SLC22A23: variants seen among roughly 807,000 people sequenced by gnomAD.
The protein encoded by SLC22A23 is ion transporter protein.
A neutral mutation model predicts 61.0 loss-of-function variants in SLC22A23; 26 were observed. The observed-to-expected ratio is 0.43, with a 90% CI of 0.31 to 0.59. The LOEUF (loss-of-function observed/expected upper bound fraction) is 0.59, where lower values mean the gene tolerates loss of function less well. Among genes scored for constraint, SLC22A23 ranks in the 20% least tolerant of loss-of-function variants. The pLI is 0.11. For synonymous variants in SLC22A23, 430 were observed against 413.9 expected (o/e 1.04, Z -0.47); for missense variants, 796 against 934.7 (o/e 0.85, Z 1.94).
chr6:3,284,012 A>G, intron 8 of SLC22A23, 37 bp from the exon 9 acceptor site: 1 of 1,577,554 alleles, frequency 6.3e-7, no homozygotes, highest in Non-Finnish European at 8.6e-7. Flanking sequence ...GAGGGAAGAG[A>G]GGAAGCCAGG....
chr6:3,275,575 T>C (rs1461035886), intron 9 of SLC22A23, among the ~76,000 whole-genome samples: 1 of 152,188 alleles, frequency 6.6e-6, no homozygotes, highest in Non-Finnish European at 1.5e-5. Context: ...GATAAAGGAC[T>C]TGTAACTAGA....
At chr6:3,443,231 T>C (rs1771709510) in intron 1 of SLC22A23, among the ~76,000 whole-genome samples, 1 of 152,240 alleles carries the variant, frequency 6.6e-6, no homozygotes, top group Non-Finnish European at 1.5e-5. Context: ...CAACACACTT[T>C]GTCAACAAGG....
At chr6:3,290,449 G>C (rs544799328) in intron 5 of SLC22A23, 15 of 175,346 alleles carry the variant, frequency 8.6e-5, no homozygotes, top group Non-Finnish European at 1.8e-4. Flanking sequence ...ACACATCTGC[G>C]TGTATGTGTA....
intron 1 of SLC22A23, among the ~76,000 whole-genome samples, chr6:3,421,374 T>C (rs1770123087): frequency 6.6e-6 from 1 of 152,172 alleles, no homozygotes; most frequent in Non-Finnish European, 1.5e-5. Flanking sequence ...TGCAATGATT[T>C]TCACTGTTTG....
intron 5 of SLC22A23, chr6:3,290,470 A>G (rs1275356248): frequency 1.3e-5 from 2 of 158,248 alleles, no homozygotes; most frequent in East Asian, 1.9e-4. Flanking sequence ...TACACCATAC[A>G]TGCACACATT....
rs186812559 is a variant in SLC22A23, at chr6:3,383,166, C to A, written c.913+27022G>T. Among the ~76,000 whole-genome samples the A allele has an allele frequency of 6.0e-4, 92 of 152,344 alleles. 1 individual carries two copies. Among genetic ancestry groups the A allele is most frequent in the African/African-American group, 2.2e-3 (91 of 41,586 alleles). ...AATGATAAAGCTATAAAGATCAACACAGGCGGCATCTCAGAAATAATGCTG... is the reference window on the plus strand; with the variant it reads ...AATGATAAAGCTATAAAGATCAACAAAGGCGGCATCTCAGAAATAATGCTG... On this transcript the variant is annotated intron_variant, in intron 3 of 9. Transcript: ENST00000406686.
At chr6:3,282,962 A>G (rs550211560) in intron 9 of SLC22A23, among the ~76,000 whole-genome samples, 1 of 152,228 alleles carries the variant, frequency 6.6e-6, no homozygotes, top group East Asian at 1.9e-4. Flanking sequence ...CACACCTTTT[A>G]GGGAGGTATG....
rs918364434 is a variant in SLC22A23 at position 3,390,894 on chromosome 6, G to A, written c.913+19294C>T. ...AGAAGCCGCACCCAGAGATCTGAGGGAACCATGACACTTACTGTTGATGTT... is the reference window on the plus strand; with the variant it reads ...AGAAGCCGCACCCAGAGATCTGAGGAAACCATGACACTTACTGTTGATGTT... On this transcript the variant is annotated intron_variant, in intron 3 of 9. Transcript: ENST00000406686. The surrounding 1 kb of genome is among the most constrained non-coding windows in gnomAD (Gnocchi z 4.0). Among the ~76,000 whole-genome samples, 4 of 152,204 alleles carry A rather than the reference G, an allele frequency of 2.6e-5. No individual in the cohort carries two copies. The highest frequency in any genetic ancestry group is 9.6e-5 in the African/African-American group (4 of 41,452).
At chr6:3,455,554 C>G (rs1313196208) in intron 1 of SLC22A23, among the ~76,000 whole-genome samples, 1 of 152,198 alleles carries the variant, frequency 6.6e-6, no homozygotes, top group African/African-American at 2.4e-5. Flanking sequence ...CCGGGCAGAA[C>G]AGGGCTGTGG....
At chr6:3,443,911 G>A (rs1176117994) in intron 1 of SLC22A23, among the ~76,000 whole-genome samples, 1 of 152,174 alleles carries the variant, frequency 6.6e-6, no homozygotes, top group Non-Finnish European at 1.5e-5. Flanking sequence ...GGGATGAGAA[G>A]ATATAGCTTC....
Position 3,330,392 on chromosome 6 carries a change from C to T in SLC22A23, c.914-6390G>A, listed in dbSNP as rs1197133610. Among the ~76,000 whole-genome samples, 4 of 152,176 alleles carry T rather than the reference C, an allele frequency of 2.6e-5. No individual in the cohort carries two copies. The highest frequency in any genetic ancestry group is 1.9e-4 in the East Asian group (1 of 5,182). On this transcript the variant is annotated intron_variant, in intron 3 of 9. Transcript: ENST00000406686. The surrounding 1 kb of genome is among the most constrained non-coding windows in gnomAD (Gnocchi z 4.7). Reference sequence around the variant, plus strand: ...AAGACAGCCCCATCATCCTGGACTGCGCCCCTCCCTGGCAAAGTGGAGAAC... The same window carrying T: ...AAGACAGCCCCATCATCCTGGACTGTGCCCCTCCCTGGCAAAGTGGAGAAC...
chr6:3,283,473 A>C, intron 9 of SLC22A23: 1 of 284,676 alleles, frequency 3.5e-6, no homozygotes, highest in African/African-American at 2.2e-5. Context: ...TTTGTGAAAC[A>C]TTTTGCACTA....
At position 3,327,099 on chromosome 6, in the gene SLC22A23, G is replaced by A. The variant is rs1763326065; in HGVS notation, c.914-3097C>T. 2.0e-5 allele frequency among the ~76,000 whole-genome samples: 3 copies of A among 151,886 alleles called. No individual in the cohort carries two copies. In the South Asian group the frequency reaches 6.2e-4, roughly 32 times the overall value. On this transcript the variant is annotated intron_variant, in intron 3 of 9. Coordinates refer to ENST00000406686, the MANE Select transcript of SLC22A23 (RefSeq NM_015482.2). This position sits in a 1 kb window ranked among gnomAD's most constrained non-coding sequence, Gnocchi z 4.1. Reference sequence around the variant, plus strand: ...GCTGGGAGGGACGGGGACTGCAGGTGGATAGTTTTTGCTGGGCTCTGCAAG... The same window carrying A: ...GCTGGGAGGGACGGGGACTGCAGGTAGATAGTTTTTGCTGGGCTCTGCAAG...
chr6:3,336,067 C>T (rs979149576), intron 3 of SLC22A23, among the ~76,000 whole-genome samples: 42 of 147,714 alleles, frequency 2.8e-4, no homozygotes, highest in Non-Finnish European at 5.0e-4. Context: ...CCGGCCTGGG[C>T]GAAAGAGCGA....
chr6:3,277,093 A>G (rs956980913), intron 9 of SLC22A23: 1 of 152,456 alleles, frequency 6.6e-6, no homozygotes, highest in Non-Finnish European at 1.5e-5. Flanking sequence ...GGTGGCATCC[A>G]TTGAGTGCCG....
chr6:3,365,931 T>C (rs1453715264), intron 3 of SLC22A23, among the ~76,000 whole-genome samples: 1 of 152,222 alleles, frequency 6.6e-6, no homozygotes, highest in Non-Finnish European at 1.5e-5. Context: ...TTAATTTCTC[T>C]CTGGCTCCTT....
intron 1 of SLC22A23, among the ~76,000 whole-genome samples, chr6:3,452,172 A>G (rs1488432598): frequency 6.6e-6 from 1 of 152,166 alleles, no homozygotes; most frequent in Non-Finnish European, 1.5e-5. Context: ...AATATTTCCA[A>G]CTGATGAGGG....
At position 3,456,110 on chromosome 6, in the gene SLC22A23, G is replaced by A. The variant is rs960305873; in HGVS notation, c.450C>T (p.Gly150=). The change falls in exon 1 of 10, where the codon GGC becomes GGT. Residue 150 remains glycine, a synonymous_variant. Coordinates refer to ENST00000406686, the MANE Select transcript of SLC22A23 (RefSeq NM_015482.2). The surrounding 1 kb of genome is among the most constrained non-coding windows in gnomAD (Gnocchi z 7.1). The stretch of plus-strand genomic sequence containing the variant: ...GGGTGGTGGGGAGGCTGGTCCAGTT[G>A]CCCATGTCCCCGCCCCGGCCTGTGG... ...VTTTGRGGDM[G]NWTSLPTTPF... The A allele has an allele frequency of 1.9e-6, 3 of 1,550,584 alleles. No individual in the cohort carries two copies. The highest frequency in any genetic ancestry group is 2.6e-6 in the Non-Finnish European group (3 of 1,146,720).
rs1261160993 is a variant in SLC22A23, at chr6:3,297,598, G to A, written c.1210+493C>T. ...CTGTGGTAACGCTCCTGACACGCAG[G>A]AATTCTATGGATCTGAACGACTATC... is the stretch of plus-strand genomic sequence containing the variant. On this transcript the variant is annotated intron_variant, in intron 5 of 9. Coordinates refer to ENST00000406686, the MANE Select transcript of SLC22A23 (RefSeq NM_015482.2). The surrounding 1 kb of genome is among the most constrained non-coding windows in gnomAD (Gnocchi z 4.3). 6.6e-6 allele frequency among the ~76,000 whole-genome samples: 1 copy of A among 152,184 alleles called. No homozygotes were observed. Among genetic ancestry groups the A allele is most frequent in the Non-Finnish European group, 1.5e-5 (1 of 68,034 alleles).
Sources: allele counts gnomAD v4.1 joint callset (sites outside exome capture counted in the v4.1 genomes callset), GRCh38; gene constraint gnomAD v4.1.1; non-coding constraint Gnocchi (gnomAD v3.1); transcripts MANE v1.5; gene names NCBI Gene and HGNC (gene_info 2026-07-23, HGNC 2026-07-21).